Variants in PTPRE observed in about 807,000 individuals in gnomAD.
PTPRE encodes receptor-type tyrosine-protein phosphatase epsilon.
In PTPRE, 51 loss-of-function variants were observed where a neutral mutation model predicts 102.0. The ratio of observed to expected loss-of-function variants is 0.50; its 90% confidence interval spans 0.40 to 0.63. The LOEUF (loss-of-function observed/expected upper bound fraction) is 0.63, where lower values mean the gene tolerates loss of function less well. Ranked by LOEUF, PTPRE falls within the 30% of genes least tolerant of loss-of-function variation. The pLI, the probability that PTPRE is intolerant of heterozygous loss-of-function variation, is 0.00. For missense variants in PTPRE, 752 were observed against 915.1 expected, an observed-to-expected ratio of 0.82 and a Z score of 2.30; for synonymous variants, 345 against 348.2, an observed-to-expected ratio of 0.99 and a Z score of 0.10.
chr10:127,970,290 A>G (rs1850626444), intron 1 of PTPRE, among the ~76,000 whole-genome samples: 1 of 152,152 alleles, frequency 6.6e-6, no homozygotes, highest in Non-Finnish European at 1.5e-5. Flanking sequence ...TAAATCTCAG[A>G]AGCTAGCCAA....
chr10:127,946,375 A>G (rs180852527), intron 1 of PTPRE, among the ~76,000 whole-genome samples: 1 of 151,574 alleles, frequency 6.6e-6, no homozygotes, highest in East Asian at 2.0e-4. Context: ...TTTGGGGCAA[A>G]TAAGTAAGGA....
At chr10:127,945,485 T>A (rs773500121) in intron 1 of PTPRE, among the ~76,000 whole-genome samples, 1 of 152,176 alleles carries the variant, frequency 6.6e-6, no homozygotes, top group Non-Finnish European at 1.5e-5. Flanking sequence ...TCAGAACAAA[T>A]GTCACAAACA....
At chr10:128,036,790 C>A (rs754767036) in intron 2 of PTPRE, among the ~76,000 whole-genome samples, 1 of 152,240 alleles carries the variant, frequency 6.6e-6, no homozygotes, top group African/African-American at 2.4e-5. Context: ...TAGACCAATA[C>A]GTCTCAAATA....
At chr10:127,952,371 A>C (rs561588155) in intron 1 of PTPRE, among the ~76,000 whole-genome samples, 40 of 149,860 alleles carry the variant, frequency 2.7e-4, no homozygotes, top group Non-Finnish European at 5.0e-4. Context: ...ACCCAAACCA[A>C]AAAAAGTTTA....
chr10:127,985,953 T>C (rs188227189), intron 2 of PTPRE, among the ~76,000 whole-genome samples: 3 of 152,096 alleles, frequency 2.0e-5, no homozygotes, highest in African/African-American at 4.8e-5. Flanking sequence ...TAGCTGAGTG[T>C]GGTGGCGGGT....
At chr10:128,071,863 C>T (rs908912473) in intron 15 of PTPRE, 20 of 326,000 alleles carry the variant, frequency 6.1e-5, no homozygotes, top group Admixed American at 1.9e-4. Flanking sequence ...ACTCCTTCAG[C>T]GCAATATTTT....
At position 128,073,478 on chromosome 10, in the gene PTPRE, A is replaced by G; in HGVS notation, c.1599+7A>G. The G allele has an allele frequency of 9.9e-6, 16 of 1,610,212 alleles. No homozygotes were observed. Among genetic ancestry groups the G allele is most frequent in the Non-Finnish European group, 1.4e-5 (16 of 1,178,990 alleles). ...GGTGCAGGAGAGAGAGCAGGTGAGG[A>G]GTGCCGCCCAGCCCGGTCCCTCCAG... is the stretch of plus-strand genomic sequence containing the variant. On this transcript the variant is annotated splice_region_variant and intron_variant, in intron 17 of 20. Coordinates refer to ENST00000254667, the MANE Select transcript of PTPRE (RefSeq NM_006504.6).
intron 1 of PTPRE, among the ~76,000 whole-genome samples, chr10:127,928,605 GGGT>G: frequency 6.6e-6 from 1 of 152,250 alleles, no homozygotes; most frequent in South Asian, 2.1e-4. Context: ...TAGCTGTGCT[GGGT>G]TAGACTCATA....
chr10:128,080,930 C>T (rs1209262811), intron 20 of PTPRE, among the ~76,000 whole-genome samples: 2 of 152,170 alleles, frequency 1.3e-5, no homozygotes, highest in African/African-American at 4.8e-5. Context: ...TTACAGATGT[C>T]TTTCTCATTT....
At chr10:127,917,837 C>T (rs950044591) in intron 1 of PTPRE, among the ~76,000 whole-genome samples, 11 of 151,968 alleles carry the variant, frequency 7.2e-5, no homozygotes, top group East Asian at 1.9e-4. Context: ...CACAACTAGC[C>T]GGGCCAACAT....
intron 2 of PTPRE, among the ~76,000 whole-genome samples, chr10:128,023,281 ATAG>A (rs1846053053): frequency 6.6e-6 from 1 of 152,140 alleles, no homozygotes; most frequent in Non-Finnish European, 1.5e-5. Context: ...AGGAAAAAGG[ATAG>A]TATATATACA....
chr10:128,030,522 G>A lies in PTPRE; in HGVS notation c.-7-10353G>A, dbSNP rs1367187423. On this transcript the variant is annotated intron_variant, in intron 2 of 20. Coordinates refer to ENST00000254667, the MANE Select transcript of PTPRE (RefSeq NM_006504.6). ...AGAAAGTGCCGTGAGTTGATGTGCT[G>A]GAGAGAATCCACGTGTCAGTCCCCG... Among the ~76,000 whole-genome samples, 6 of 152,138 alleles carry A rather than the reference G, an allele frequency of 3.9e-5. No individual in the cohort carries two copies. In the East Asian group the frequency reaches 1.2e-3, roughly 29 times the overall value.
intron 6 of PTPRE, among the ~76,000 whole-genome samples, chr10:128,050,412 AGATGGATGGATG>A (rs954935464): frequency 7.7e-6 from 1 of 130,524 alleles, no homozygotes; most frequent in Non-Finnish European, 1.6e-5. Flanking sequence ...GTGGGAGGGC[AGATGGATGGATG>A]GATGGATGGG....
Position 127,907,293 on chromosome 10 carries a change from A to G in PTPRE, c.-47A>G, listed in dbSNP as rs1845538345. ...CCGCTGCAGCGCGATCTGCGCGACC[A>G]GACCGGCCCCCCCGAGGTGAGCGCG... On this transcript the variant is annotated 5_prime_UTR_variant, in exon 1 of 21. Coordinates refer to ENST00000254667, the MANE Select transcript of PTPRE (RefSeq NM_006504.6). This position sits in a 1 kb window ranked among gnomAD's most constrained non-coding sequence, Gnocchi z 4.8. The G allele has an allele frequency of 3.0e-6, 3 of 984,538 alleles. No homozygotes were observed. In the African/African-American group the frequency reaches 5.3e-5, roughly 17 times the overall value. 61.0% of individuals were successfully genotyped at this position (984,538 alleles called of 1,614,324 possible). A position where few individuals can be genotyped will look rare whatever the true frequency, so the allele number is the denominator to read the frequency against.
At chr10:128,067,146 C>G (rs1405023618) in intron 11 of PTPRE, among the ~76,000 whole-genome samples, 2 of 113,322 alleles carry the variant, frequency 1.8e-5, no homozygotes, top group Admixed American at 1.8e-4. Context: ...CACACATGTG[C>G]ACACACACCC....
At chr10:128,026,212 G>A (rs1846279761) in intron 2 of PTPRE, among the ~76,000 whole-genome samples, 1 of 152,220 alleles carries the variant, frequency 6.6e-6, no homozygotes, top group African/African-American at 2.4e-5. Flanking sequence ...GGCCAGCCAG[G>A]TGCGGTGGGC....
At position 127,946,592 on chromosome 10, in the gene PTPRE, C is replaced by T. The variant is rs147332674; in HGVS notation, c.-30-35682C>T. On this transcript the variant is annotated intron_variant, in intron 1 of 20. Transcript: ENST00000254667. ...ATTGGTAAGAGAGAAGAGCAAGATG[C>T]GCTTGCACATTGCACCTGTGCACAC... Among the ~76,000 whole-genome samples, 46 of 112,546 alleles carry T rather than the reference C, an allele frequency of 4.1e-4. 2 individuals are homozygous for T. The highest frequency in any genetic ancestry group is 1.2e-3 in the African/African-American group (40 of 33,772). 73.8% of individuals were successfully genotyped at this position (112,546 alleles called of 152,430 possible). A position where few individuals can be genotyped will look rare whatever the true frequency, so the allele number is the denominator to read the frequency against.
intron 1 of PTPRE, among the ~76,000 whole-genome samples, chr10:127,950,956 G>A (rs1387208927): frequency 6.6e-6 from 1 of 152,038 alleles, no homozygotes; most frequent in Non-Finnish European, 1.5e-5. Flanking sequence ...AATTAGCCGG[G>A]CATCGTGGCG....
At position 128,028,386 on chromosome 10, in the gene PTPRE, G is replaced by A. The variant is rs1033683672; in HGVS notation, c.-7-12489G>A. Among the ~76,000 whole-genome samples the A allele has an allele frequency of 1.3e-5, 2 of 152,108 alleles. No individual in the cohort carries two copies. Among genetic ancestry groups the A allele is most frequent in the African/African-American group, 2.4e-5 (1 of 41,406 alleles). ...GGACCTGAAGGATATCATTGAGCCC[G>A]CGCCCGCCCCAGGCTGGAATTGCTG... On this transcript the variant is annotated intron_variant, in intron 2 of 20. Transcript: ENST00000254667. This position sits in a 1 kb window ranked among gnomAD's most constrained non-coding sequence, Gnocchi z 4.5.
Sources: gnomAD v4.1 joint callset for allele counts (sites outside exome capture counted in the v4.1 genomes callset) on GRCh38, gnomAD v4.1.1 for gene constraint, Gnocchi (gnomAD v3.1) non-coding constraint, MANE v1.5 for transcripts, NCBI Gene and HGNC (gene_info 2026-07-23, HGNC 2026-07-21) for gene names.